NRG3: variants seen among roughly 807,000 people sequenced by gnomAD.
The protein encoded by NRG3 is pro-neuregulin-3, membrane-bound isoform.
In NRG3, 31 loss-of-function variants were observed where a neutral mutation model predicts 66.9. That is an observed-to-expected ratio of 0.46 (90% confidence interval 0.35 to 0.63). The LOEUF is 0.63. Among genes scored for constraint, NRG3 ranks in the 20% least tolerant of loss-of-function variants. NRG3 has a pLI of 0.00. For synonymous variants in NRG3, 393 were observed against 359.4 expected (o/e 1.09, Z -1.06); for missense variants, 910 against 878.9 (o/e 1.04, Z -0.45).
chr10:82,251,405 A>G (rs1244879880), intron 1 of NRG3, among the ~76,000 whole-genome samples: 1 of 152,168 alleles, frequency 6.6e-6, no homozygotes, highest in Non-Finnish European at 1.5e-5. Context: ...CCTCATCTAC[A>G]GTGGCCCTGC....
chr10:82,304,715 C>G (rs1427986589), intron 1 of NRG3, among the ~76,000 whole-genome samples: 1 of 152,084 alleles, frequency 6.6e-6, no homozygotes, highest in East Asian at 1.9e-4. Context: ...TCCCAGAGGA[C>G]CATGAAATTC....
intron 3 of NRG3, among the ~76,000 whole-genome samples, chr10:82,809,183 C>T (rs934897911): frequency 9.9e-5 from 15 of 152,088 alleles, no homozygotes; most frequent in African/African-American, 3.6e-4. Context: ...ATTTAGTACT[C>T]GCCATTTGCC....
At chr10:82,391,990 A>C (rs914537628) in intron 2 of NRG3, among the ~76,000 whole-genome samples, 1 of 126,206 alleles carries the variant, frequency 7.9e-6, no homozygotes, top group Non-Finnish European at 1.6e-5. Context: ...TTTCGAGCAC[A>C]TGCAAAAAAA....
intron 1 of NRG3, among the ~76,000 whole-genome samples, chr10:82,238,864 A>C (rs1420628879): frequency 1.3e-5 from 2 of 148,816 alleles, no homozygotes; most frequent in Non-Finnish European, 3.0e-5. Flanking sequence ...CTCTGCAGCT[A>C]AAAGGCCTAT....
At chr10:82,467,972 C>T (rs1840852025) in intron 2 of NRG3, among the ~76,000 whole-genome samples, 1 of 152,018 alleles carries the variant, frequency 6.6e-6, no homozygotes, top group Admixed American at 6.6e-5. Context: ...TATATGATCA[C>T]ATATCTCCTA....
At chr10:82,731,696 C>T (rs1212659149) in intron 2 of NRG3, among the ~76,000 whole-genome samples, 1 of 152,064 alleles carries the variant, frequency 6.6e-6, no homozygotes, top group African/African-American at 2.4e-5. Flanking sequence ...TAGGTTGATT[C>T]CATTTCTGGG....
At chr10:82,639,985 T>C (rs1323034167) in intron 2 of NRG3, among the ~76,000 whole-genome samples, 3 of 152,124 alleles carry the variant, frequency 2.0e-5, no homozygotes, top group Non-Finnish European at 4.4e-5. Flanking sequence ...TGTGTTCTCA[T>C]CATTTAGCTC....
At chr10:82,270,551 C>T (rs1177989794) in intron 1 of NRG3, among the ~76,000 whole-genome samples, 1 of 152,024 alleles carries the variant, frequency 6.6e-6, no homozygotes, top group African/African-American at 2.4e-5. Flanking sequence ...ACATTATATT[C>T]ATTTCTTTTG....
chr10:82,527,102 A>G (rs1846777844), intron 2 of NRG3, among the ~76,000 whole-genome samples: 3 of 152,050 alleles, frequency 2.0e-5, no homozygotes, highest in South Asian at 2.1e-4. Context: ...ACTATTTATA[A>G]TAGCTACAAA....
At chr10:82,846,589 G>C (rs2063319148) in intron 3 of NRG3, among the ~76,000 whole-genome samples, 1 of 152,136 alleles carries the variant, frequency 6.6e-6, no homozygotes, top group African/African-American at 2.4e-5. Context: ...AAGATTCTCT[G>C]CTTGAAAAAG....
chr10:82,159,718 C>G (rs2071438123), intron 1 of NRG3, among the ~76,000 whole-genome samples: 1 of 151,866 alleles, frequency 6.6e-6, no homozygotes, highest in African/African-American at 2.4e-5. Context: ...GGTGCTCAGT[C>G]AACTTTGTTG....
At chr10:82,729,667 A>G (rs1176570582) in intron 2 of NRG3, among the ~76,000 whole-genome samples, 2 of 152,184 alleles carry the variant, frequency 1.3e-5, no homozygotes, top group African/African-American at 4.8e-5. Flanking sequence ...GTTTATTCAG[A>G]CTGATGTGAG....
intron 1 of NRG3, among the ~76,000 whole-genome samples, chr10:82,207,686 CA>C (rs936534177): frequency 5.9e-5 from 9 of 152,090 alleles, no homozygotes; most frequent in African/African-American, 2.2e-4. Flanking sequence ...TCAGGAAACA[CA>C]CAATCATGGC....
chr10:82,002,900 T>TA (rs1265982856), intron 1 of NRG3, among the ~76,000 whole-genome samples: 3 of 152,296 alleles, frequency 2.0e-5, no homozygotes, highest in South Asian at 4.1e-4. Context: ...ATTATGAATG[T>TA]ATGTATGCTT....
chr10:82,486,590 T>A (rs1842696577), intron 2 of NRG3, among the ~76,000 whole-genome samples: 1 of 151,968 alleles, frequency 6.6e-6, no homozygotes, highest in African/African-American at 2.4e-5. Flanking sequence ...AATTTTGGTA[T>A]TTTTAGTAGA....
At chr10:82,340,141 T>G (rs2082605214) in intron 1 of NRG3, among the ~76,000 whole-genome samples, 1 of 152,184 alleles carries the variant, frequency 6.6e-6, no homozygotes, top group Non-Finnish European at 1.5e-5. Context: ...TGGTTGGGGC[T>G]AGTGTTAGAG....
At chr10:82,479,678 A>G (rs1406641643) in intron 2 of NRG3, among the ~76,000 whole-genome samples, 1 of 150,636 alleles carries the variant, frequency 6.6e-6, no homozygotes, top group Non-Finnish European at 1.5e-5. Context: ...AAAAAAAAAA[A>G]AAAAAAAAGC....
chr10:82,700,502 G>C (rs1295947652), intron 2 of NRG3, among the ~76,000 whole-genome samples: 2 of 152,140 alleles, frequency 1.3e-5, no homozygotes, highest in East Asian at 3.9e-4. Context: ...TTGCAGCTAG[G>C]TTTTGACAGA....
intron 1 of NRG3, among the ~76,000 whole-genome samples, chr10:81,919,389 G>T (rs1275316926): frequency 6.6e-6 from 1 of 152,196 alleles, no homozygotes; most frequent in East Asian, 1.9e-4. Context: ...CCTAATCTGT[G>T]ATGGCAGAAT....
Sources: allele counts gnomAD v4.1 joint callset (sites outside exome capture counted in the v4.1 genomes callset), GRCh38; gene constraint gnomAD v4.1.1; transcripts MANE v1.5; gene names NCBI Gene and HGNC (gene_info 2026-07-23, HGNC 2026-07-21).